The following SGCA variants were observed in gnomAD, a reference collection of about 807,000 sequenced individuals.
SGCA encodes the protein sarcoglycan alpha.
SGCA carries 34 observed loss-of-function variants against 38.1 expected under a neutral mutation model. The observed-to-expected ratio is 0.89, with a 90% CI of 0.68 to 1.19. SGCA has a LOEUF of 1.19. Ranked by LOEUF, SGCA falls within the 50% of genes most tolerant of loss-of-function variation. The pLI, the probability that SGCA is intolerant of heterozygous loss-of-function variation, is 0.00. For synonymous variants in SGCA, 209 were observed against 214.6 expected, an observed-to-expected ratio of 0.97 and a Z score of 0.23; for missense variants, 476 against 524.9, an observed-to-expected ratio of 0.91 and a Z score of 0.91.
chr17:50,167,777 G>C lies in SGCA; in HGVS notation c.312+41G>C. 6.3e-7 allele frequency: 1 copy of C among 1,599,408 alleles called. No homozygotes were observed. Among genetic ancestry groups the C allele is most frequent in the Non-Finnish European group, 8.5e-7 (1 of 1,170,344 alleles). On this transcript the variant is annotated intron_variant, in intron 3 of 9. Coordinates refer to ENST00000262018, the MANE Select transcript of SGCA (RefSeq NM_000023.4). The surrounding 1 kb of genome is among the most constrained non-coding windows in gnomAD (Gnocchi z 4.5). ...CTGAGAAAATCACAGGGGTGGGCCAGAGTGGCCTCCTAGGAGCAGCCCTAT... is the reference window on the plus strand; with the variant it reads ...CTGAGAAAATCACAGGGGTGGGCCACAGTGGCCTCCTAGGAGCAGCCCTAT...
At chr17:50,175,580 C>A in intron 9 of SGCA, 131 bp downstream of exon 9, 4 of 832,390 alleles carry the variant, frequency 4.8e-6, no homozygotes, top group East Asian at 2.6e-5. Context: ...CCTCTGAGGC[C>A]GCTGCTGGGG....
In SGCA at chr17:50,175,750, T is replaced by C. The variant is rs769706480; in HGVS notation, c.*51T>C. 5 of 568,540 alleles carry C rather than the reference T, an allele frequency of 8.8e-6. No homozygotes were observed. Among genetic ancestry groups the C allele is most frequent in the South Asian group, 7.6e-5 (5 of 65,576 alleles). The allele number at this position is 568,540 out of a possible 1,614,324, so 35.2% of individuals were successfully genotyped here. ...AGCCCTGACTTCATCCTCCCTTCTC[T>C]GTCCACACCACGAGTGGCACATCCC... On this transcript the variant is annotated 3_prime_UTR_variant, in exon 10 of 10. Coordinates refer to ENST00000262018, the MANE Select transcript of SGCA (RefSeq NM_000023.4).
rs776195527 is a variant in SGCA, at chr17:50,166,036, C to T, written c.-5C>T. 2 of 1,613,144 alleles carry T rather than the reference C, an allele frequency of 1.2e-6. No individual in the cohort carries two copies. Among genetic ancestry groups the T allele is most frequent in the South Asian group, 2.2e-5 (2 of 91,046 alleles). On this transcript the variant is annotated 5_prime_UTR_variant, in exon 1 of 10. Transcript: ENST00000262018. Reference sequence around the variant, plus strand: ...CACTCACCGGGCGGGCCAGGCCGGGCAGCCATGGCTGAGACACTCTTCTGG... The same window carrying T: ...CACTCACCGGGCGGGCCAGGCCGGGTAGCCATGGCTGAGACACTCTTCTGG...
At chr17:50,170,111 C>A in intron 6 of SGCA, 32 bp from the exon 7 acceptor site, 4 of 1,601,768 alleles carry the variant, frequency 2.5e-6, no homozygotes, top group Non-Finnish European at 2.6e-6. Flanking sequence ...CAGCCAGCCA[C>A]TTCCTGCGTC....
In SGCA at chr17:50,167,579, C is replaced by T. The variant is rs1273429738; in HGVS notation, c.158-3C>T. 2 of 1,613,544 alleles carry T rather than the reference C, an allele frequency of 1.2e-6. No homozygotes were observed. Among genetic ancestry groups the T allele is most frequent in the South Asian group, 1.1e-5 (1 of 91,088 alleles). ...TCGAATCCCCTCTCCTCGCTTCCACCAGCTGTCCCACCCGCTGTCCACATC... is the reference window on the plus strand; with the variant it reads ...TCGAATCCCCTCTCCTCGCTTCCACTAGCTGTCCCACCCGCTGTCCACATC... On this transcript the variant is annotated splice_polypyrimidine_tract_variant and splice_region_variant and intron_variant, in intron 2 of 9. Transcript: ENST00000262018. The surrounding 1 kb of genome is among the most constrained non-coding windows in gnomAD (Gnocchi z 4.5).
chr17:50,168,258 TG>T, intron 4 of SGCA, 115 bp from the exon 5 acceptor site: 1 of 926,012 alleles, frequency 1.1e-6, no homozygotes, highest in Non-Finnish European at 1.7e-6. Flanking sequence ...CTGTGATGGA[TG>T]GGGCATTGAG....
chr17:50,170,478 T>C, intron 7 of SGCA, 127 bp downstream of exon 7: 1 of 1,347,582 alleles, frequency 7.4e-7, no homozygotes. Flanking sequence ...AAAAGGAGTG[T>C]GGGGCCCCTT....
chr17:50,167,975 A>T lies in SGCA; in HGVS notation c.341A>T (p.Asp114Val), dbSNP rs749097695. The change falls in exon 4 of 10, where the codon GAT (aspartate) becomes GTT (valine). Residue 114 changes from aspartate to valine, a missense_variant. By Grantham distance (152) the Asp-to-Val change is radical (BLOSUM62 -3). Transcript: ENST00000262018. This position sits in a 1 kb window ranked among gnomAD's most constrained non-coding sequence, Gnocchi z 4.5. ...EVTAYNRDSF[D>V]TTRQRLVLEI... ...ACAGCCTACAATCGGGACAGCTTTG[A>T]TACCACTCGGCAGAGGCTGGTGCTG... 8.7e-6 allele frequency: 14 copies of T among 1,614,074 alleles called. 1 individual carries two copies. In the South Asian group the frequency reaches 1.5e-4, roughly 18 times the overall value.
rs1229076888 is a variant in SGCA at position 50,166,465 on chromosome 17, C to T, written c.37+388C>T. 3.9e-5 allele frequency among the ~76,000 whole-genome samples: 6 copies of T among 152,060 alleles called. No homozygotes were observed. The South Asian group carries it at 1.2e-3, about 31-fold the overall frequency. Reference sequence around the variant, plus strand: ...TGCTCCTCTCTTGGACTTAGGATTCCTTTTGCTCAGCTCCTACTGGCCTCT... The same window carrying T: ...TGCTCCTCTCTTGGACTTAGGATTCTTTTTGCTCAGCTCCTACTGGCCTCT... On this transcript the variant is annotated intron_variant, in intron 1 of 9. Coordinates refer to ENST00000262018, the MANE Select transcript of SGCA (RefSeq NM_000023.4).
chr17:50,172,188 A>C (rs1446107286), intron 8 of SGCA: 1 of 456,994 alleles, frequency 2.2e-6, no homozygotes, highest in East Asian at 7.0e-5. Context: ...CTGTGTGGCC[A>C]GAAAGAGGAT....
intron 1 of SGCA, among the ~76,000 whole-genome samples, chr17:50,166,795 ACACACACACCCT>A (rs1904875862): frequency 1.1e-5 from 1 of 89,150 alleles, no homozygotes; most frequent in South Asian, 4.1e-4. Flanking sequence ...ACACACCCTC[ACACACACACCCT>A]CACACACACC....
Position 50,167,803 on chromosome 17 carries a change from G to A in SGCA, c.312+67G>A. ...AGTGGCCTCCTAGGAGCAGCCCTAT[G>A]AATTGGGATTGGGTGCTCATTCACA... On this transcript the variant is annotated intron_variant, in intron 3 of 9. Coordinates refer to ENST00000262018, the MANE Select transcript of SGCA (RefSeq NM_000023.4). This position sits in a 1 kb window ranked among gnomAD's most constrained non-coding sequence, Gnocchi z 4.5. 1.3e-6 allele frequency: 2 copies of A among 1,583,558 alleles called. No individual in the cohort carries two copies. The highest frequency in any genetic ancestry group is 2.2e-5 in the East Asian group (1 of 44,562).
At chr17:50,169,997 C>T in intron 6 of SGCA, 146 bp from the exon 7 acceptor site, 1 of 721,740 alleles carries the variant, frequency 1.4e-6, no homozygotes, top group South Asian at 1.5e-5. Context: ...GAGGTCAGAC[C>T]CTAGAGCTGT....
intron 8 of SGCA, 124 bp downstream of exon 8, chr17:50,170,790 C>G (rs1905321252): frequency 1.2e-6 from 1 of 824,130 alleles, no homozygotes; most frequent in African/African-American, 1.7e-5. Context: ...CTCACCCCTT[C>G]CCTTGACCTC....
intron 8 of SGCA, among the ~76,000 whole-genome samples, chr17:50,173,089 GA>G (rs1412572403): frequency 6.6e-6 from 1 of 152,232 alleles, no homozygotes; most frequent in Non-Finnish European, 1.5e-5. Flanking sequence ...GATGTTGTCA[GA>G]AAAATCTGCT....
chr17:50,169,407 C>T, intron 6 of SGCA, 153 bp downstream of exon 6: 1 of 457,120 alleles, frequency 2.2e-6, no homozygotes, highest in East Asian at 4.0e-5. Context: ...CAGGCTTAGT[C>T]TGAGGATACA....
In SGCA at chr17:50,175,703, T is replaced by C. The variant is rs1905887187; in HGVS notation, c.*13-9T>C. The C allele has an allele frequency of 1.6e-6, 1 of 640,704 alleles. No individual in the cohort carries two copies. Among genetic ancestry groups the C allele is most frequent in the African/African-American group, 1.8e-5 (1 of 55,836 alleles). The allele number at this position is 640,704 out of a possible 1,614,324, so 39.7% of individuals were successfully genotyped here. A position where few individuals can be genotyped will look rare whatever the true frequency, so the allele number is the denominator to read the frequency against. ...GGCCCTCTCAGCCCTCCACTCTCTC[T>C]TCCCACAGTGGTTCCAGGTCCAGCC... On this transcript the variant is annotated splice_polypyrimidine_tract_variant and intron_variant, in intron 9 of 9. Transcript: ENST00000262018.
chr17:50,175,201 C>A, intron 8 of SGCA, 56 bp from the exon 9 acceptor site: 1 of 1,527,730 alleles, frequency 6.5e-7, no homozygotes, highest in Non-Finnish European at 8.9e-7. Context: ...CAGTTCCAGG[C>A]TGTACTCCAG....
intron 8 of SGCA, chr17:50,172,465 G>A: frequency 2.9e-6 from 1 of 339,598 alleles, no homozygotes; most frequent in South Asian, 2.3e-5. Flanking sequence ...GTGTGCACAT[G>A]CCTGGGCGGA....
Sources: allele counts gnomAD v4.1 joint callset (sites outside exome capture counted in the v4.1 genomes callset), GRCh38; gene constraint gnomAD v4.1.1; non-coding constraint Gnocchi (gnomAD v3.1); transcripts MANE v1.5; gene names NCBI Gene and HGNC (gene_info 2026-07-23, HGNC 2026-07-21).